The following CTNNA2 variants were observed in gnomAD, a reference collection of about 807,000 sequenced individuals.
The protein encoded by CTNNA2 is catenin alpha 2, also known as catenin alpha-2.
In CTNNA2, 42 loss-of-function variants were observed where a neutral mutation model predicts 101.0. That is an observed-to-expected ratio of 0.42 (90% CI 0.32 to 0.54). The LOEUF is 0.54. Ranked by LOEUF, CTNNA2 falls within the 20% of genes least tolerant of loss-of-function variation. The probability of loss-of-function intolerance (pLI) is 0.14; values close to 1 mark genes in which losing one functional copy is unlikely to be tolerated. For synonymous variants in CTNNA2, 450 were observed against 456.4 expected, an observed-to-expected ratio of 0.99 and a Z score of 0.18; for missense variants, 871 against 1,223.1, an observed-to-expected ratio of 0.71 and a Z score of 4.29.
intron 7 of CTNNA2, among the ~76,000 whole-genome samples, chr2:80,017,087 G>T (rs1026072522): frequency 2.0e-5 from 3 of 152,112 alleles, no homozygotes; most frequent in African/African-American, 7.2e-5. Flanking sequence ...GGAGCCCAGG[G>T]CTTATGCTGA....
intron 2 of CTNNA2, among the ~76,000 whole-genome samples, chr2:79,706,140 G>T (rs1018306023): frequency 5.9e-5 from 9 of 151,992 alleles, no homozygotes; most frequent in African/African-American, 2.2e-4. Context: ...CGAGGCAGGC[G>T]GATCACGAGG....
chr2:79,911,133 G>C (rs546381008), intron 7 of CTNNA2, among the ~76,000 whole-genome samples: 1 of 152,162 alleles, frequency 6.6e-6, no homozygotes, highest in Non-Finnish European at 1.5e-5. Context: ...ATGGTATTAC[G>C]TAGGGTGCAG....
At chr2:79,464,012 C>G (rs1234492664) in intron 4 of CTNNA2, among the ~76,000 whole-genome samples, 3 of 150,710 alleles carry the variant, frequency 2.0e-5, no homozygotes, top group Non-Finnish European at 2.9e-5. Context: ...ACTCTAAGTT[C>G]TAGGGTACAT....
chr2:80,642,418 T>C (rs952981953), intron 18 of CTNNA2, among the ~76,000 whole-genome samples: 1 of 152,202 alleles, frequency 6.6e-6, no homozygotes, highest in Non-Finnish European at 1.5e-5. Context: ...CTCTTGTGTT[T>C]CAGTGCTTAT....
chr2:80,178,782 TCTC>T (rs1468672662), intron 7 of CTNNA2, among the ~76,000 whole-genome samples: 3 of 152,142 alleles, frequency 2.0e-5, no homozygotes, highest in Non-Finnish European at 4.4e-5. Context: ...AACTTATCCT[TCTC>T]CTTAGAAGGA....
At chr2:80,208,453 AT>A (rs747915023) in intron 7 of CTNNA2, among the ~76,000 whole-genome samples, 5 of 152,196 alleles carry the variant, frequency 3.3e-5, no homozygotes, top group Admixed American at 6.5e-5. Flanking sequence ...AAGGAAAGAA[AT>A]TCTCAACAAA....
intron 7 of CTNNA2, among the ~76,000 whole-genome samples, chr2:80,326,474 C>T (rs1045376593): frequency 6.6e-6 from 1 of 151,998 alleles, no homozygotes; most frequent in Non-Finnish European, 1.5e-5. Flanking sequence ...GCCATCCCTG[C>T]CCCCCTTGCC....
intron 4 of CTNNA2, among the ~76,000 whole-genome samples, chr2:79,470,539 T>C (rs1294710940): frequency 1.3e-5 from 2 of 152,184 alleles, no homozygotes; most frequent in African/African-American, 4.8e-5. Context: ...ATGAGAGACT[T>C]CACTTTAGGA....
At chr2:80,574,045 G>T (rs891254337) in intron 12 of CTNNA2, 118 bp from the exon 13 acceptor site, 2 of 972,438 alleles carry the variant, frequency 2.1e-6, no homozygotes, top group Admixed American at 2.1e-5. Flanking sequence ...GGACAGATGA[G>T]TGTCTTGCTC....
chr2:79,478,424 C>T (rs1430918940), intron 4 of CTNNA2, among the ~76,000 whole-genome samples: 1 of 152,130 alleles, frequency 6.6e-6, no homozygotes, highest in Non-Finnish European at 1.5e-5. Context: ...CACAATGAAA[C>T]ACTGTAAGGC....
chr2:80,522,565 C>G (rs1469993522), intron 9 of CTNNA2, among the ~76,000 whole-genome samples: 2 of 151,944 alleles, frequency 1.3e-5, no homozygotes, highest in African/African-American at 4.8e-5. Context: ...AGATTTTTGT[C>G]CCCGCCCAAA....
At chr2:79,612,964 A>T (rs568473902) in intron 1 of CTNNA2, among the ~76,000 whole-genome samples, 38 of 152,248 alleles carry the variant, frequency 2.5e-4, no homozygotes, top group Admixed American at 1.2e-3. Context: ...CTTGTTAAGG[A>T]TTTTGAAAAT....
rs770006134 is a variant in CTNNA2, at chr2:80,302,856, C to T, written c.1057-90355C>T. 7 of 1,614,032 alleles carry T rather than the reference C, an allele frequency of 4.3e-6. No homozygotes were observed. In the African/African-American group the frequency reaches 6.7e-5, roughly 15 times the overall value. ...TTGAGCCACGAGGCTAGGGCACACA[C>T]GTTGCGCCCGCAATCCCACAGGTTC... On this transcript the variant is annotated intron_variant, in intron 7 of 18. Coordinates refer to ENST00000402739, the MANE Select transcript of CTNNA2 (RefSeq NM_001282597.3). This position sits in a 1 kb window ranked among gnomAD's most constrained non-coding sequence, Gnocchi z 6.4.
chr2:79,334,572 A>G (rs1023694525), intron 3 of CTNNA2, among the ~76,000 whole-genome samples: 2 of 152,112 alleles, frequency 1.3e-5, no homozygotes, highest in Non-Finnish European at 2.9e-5. Context: ...CTAATACAAT[A>G]TTGTGTAATT....
intron 7 of CTNNA2, among the ~76,000 whole-genome samples, chr2:80,142,072 C>A (rs536156045): frequency 2.6e-5 from 4 of 152,184 alleles, no homozygotes; most frequent in African/African-American, 9.6e-5. Context: ...TCTGCTGATC[C>A]CAAGCTTTTA....
intron 7 of CTNNA2, among the ~76,000 whole-genome samples, chr2:79,930,597 T>C (rs116774254): frequency 8.2e-4 from 125 of 152,298 alleles, no homozygotes; most frequent in Non-Finnish European, 1.5e-3. Flanking sequence ...CACTATAGAC[T>C]TCCTGGATGC....
chr2:80,138,711 C>T (rs1702831651), intron 7 of CTNNA2, among the ~76,000 whole-genome samples: 1 of 152,124 alleles, frequency 6.6e-6, no homozygotes, highest in African/African-American at 2.4e-5. Flanking sequence ...TAACTCTCCT[C>T]ATTCTTGATT....
chr2:80,333,799 T>C (rs142853014), intron 7 of CTNNA2, among the ~76,000 whole-genome samples: 9 of 152,328 alleles, frequency 5.9e-5, no homozygotes, highest in Non-Finnish European at 1.0e-4. Flanking sequence ...AATTTTTGTA[T>C]TTTTACTAGA....
intron 9 of CTNNA2, among the ~76,000 whole-genome samples, chr2:80,497,074 A>G (rs1391160413): frequency 6.6e-6 from 1 of 152,198 alleles, no homozygotes; most frequent in Non-Finnish European, 1.5e-5. Context: ...TTTTCCTTTG[A>G]AGTAGAGCCC....
Sources: allele counts gnomAD v4.1 joint callset (sites outside exome capture counted in the v4.1 genomes callset), GRCh38; gene constraint gnomAD v4.1.1; non-coding constraint Gnocchi (gnomAD v3.1); transcripts MANE v1.5; gene names NCBI Gene and HGNC (gene_info 2026-07-23, HGNC 2026-07-21).